Variants in PCED1B observed in about 807,000 individuals in gnomAD.
The protein encoded by PCED1B is PC-esterase domain containing 1B, also known as PC-esterase domain-containing protein 1B.
For missense variants in PCED1B, 573 were observed against 573.9 expected (o/e 1.00, Z 0.02); for synonymous variants, 251 against 246.1 (o/e 1.02, Z -0.19).
chr12:47,128,534 A>C (rs1170684509), intron 2 of PCED1B, among the ~76,000 whole-genome samples: 1 of 152,234 alleles, frequency 6.6e-6, no homozygotes, highest in Non-Finnish European at 1.5e-5. Flanking sequence ...CCCATTGCAA[A>C]TATTTACTGA....
chr12:47,209,089 G>A (rs1942999785), intron 2 of PCED1B: 1 of 152,330 alleles, frequency 6.6e-6, no homozygotes, highest in South Asian at 2.1e-4. Context: ...GAGGTGTCTG[G>A]TTGTCAGGGT....
intron 2 of PCED1B, among the ~76,000 whole-genome samples, chr12:47,130,615 G>A (rs1940086388): frequency 6.6e-6 from 1 of 152,142 alleles, no homozygotes; most frequent in Non-Finnish European, 1.5e-5. Flanking sequence ...CTTGAGCTCA[G>A]GAATTCAAGG....
At chr12:47,176,889 A>C (rs559457252) in intron 2 of PCED1B, among the ~76,000 whole-genome samples, 1 of 152,200 alleles carries the variant, frequency 6.6e-6, no homozygotes, top group East Asian at 1.9e-4. Context: ...TATTGTTCAC[A>C]GAAGCATTGA....
chr12:47,193,616 A>G (rs192803128), intron 2 of PCED1B, among the ~76,000 whole-genome samples: 2 of 152,344 alleles, frequency 1.3e-5, no homozygotes, highest in East Asian at 3.9e-4. Context: ...TCCCTCAGAG[A>G]CAAAGATATA....
At chr12:47,162,497 A>G (rs1017380022) in intron 2 of PCED1B, among the ~76,000 whole-genome samples, 1 of 152,202 alleles carries the variant, frequency 6.6e-6, no homozygotes, top group African/African-American at 2.4e-5. Flanking sequence ...TGGGTGATTT[A>G]TAAAGAAATG....
intron 1 of PCED1B, among the ~76,000 whole-genome samples, chr12:47,087,644 A>C (rs1381105724): frequency 6.6e-6 from 1 of 152,244 alleles, no homozygotes; most frequent in African/African-American, 2.4e-5. Flanking sequence ...TTTGCAACAG[A>C]AAATATATAC....
intron 1 of PCED1B, among the ~76,000 whole-genome samples, chr12:47,099,705 G>A (rs1295492441): frequency 1.3e-5 from 2 of 152,268 alleles, no homozygotes; most frequent in South Asian, 2.1e-4. Flanking sequence ...AGGAAAACAG[G>A]AAATTACTAT....
At chr12:47,120,156 A>C (rs983437982) in intron 2 of PCED1B, among the ~76,000 whole-genome samples, 28 of 152,142 alleles carry the variant, frequency 1.8e-4, no homozygotes, top group Non-Finnish European at 3.5e-4. Context: ...ACACCCACTA[A>C]GATAGCTAAA....
rs149260374 is a variant in PCED1B, at chr12:47,145,871, C to A, written c.-526+41676C>A. Among the ~76,000 whole-genome samples, 177 of 152,270 alleles carry A rather than the reference C, an allele frequency of 1.2e-3. 3 individuals are homozygous for A. In the East Asian group the frequency reaches 0.03, roughly 26 times the overall value. The stretch of plus-strand genomic sequence containing the variant: ...TGCTAATACAACATTCATTCTGCAG[C>A]CCATGGATCAAGGAGTAATTTCAAC... On this transcript the variant is annotated intron_variant, in intron 2 of 3. Transcript: ENST00000546455.
chr12:47,093,543 G>T (rs369977625), intron 1 of PCED1B, among the ~76,000 whole-genome samples: 2 of 151,530 alleles, frequency 1.3e-5, no homozygotes, highest in East Asian at 1.9e-4. Flanking sequence ...TTAAATCATT[G>T]ATTTTCAGGC....
intron 2 of PCED1B, among the ~76,000 whole-genome samples, chr12:47,171,665 TA>T (rs1941739978): frequency 6.6e-6 from 1 of 152,212 alleles, no homozygotes; most frequent in African/African-American, 2.4e-5. Flanking sequence ...TTTCTCCTGA[TA>T]AAAGAAAGAT....
chr12:47,186,777 T>C (rs754022341), intron 2 of PCED1B, among the ~76,000 whole-genome samples: 3 of 152,206 alleles, frequency 2.0e-5, no homozygotes, highest in Non-Finnish European at 2.9e-5. Context: ...ATTTCTGTTG[T>C]AATCTACCCA....
At chr12:47,166,202 A>G (rs1941540428) in intron 2 of PCED1B, among the ~76,000 whole-genome samples, 1 of 152,208 alleles carries the variant, frequency 6.6e-6, no homozygotes, top group Non-Finnish European at 1.5e-5. Context: ...AACTTTGATA[A>G]GCACTAGTTA....
At chr12:47,185,411 T>C (rs10881063) in intron 2 of PCED1B, among the ~76,000 whole-genome samples, 50,796 of 152,096 alleles carry the variant, frequency 0.33, 9,020 homozygotes, top group Non-Finnish European at 0.4. Flanking sequence ...AGCCGAGGAA[T>C]GCCAAGTATT....
intron 1 of PCED1B, among the ~76,000 whole-genome samples, chr12:47,098,837 G>A (rs1415546921): frequency 6.6e-6 from 1 of 152,190 alleles, no homozygotes; most frequent in Admixed American, 6.5e-5. Flanking sequence ...AAACAAAAGA[G>A]AGAAAGAAAG....
intron 2 of PCED1B, chr12:47,135,860 G>A (rs895378414): frequency 3.8e-5 from 17 of 441,584 alleles, no homozygotes; most frequent in South Asian, 1.1e-4. Context: ...TGGAGCGGCC[G>A]GTGTTGGCAG....
At chr12:47,176,136 A>T (rs1941917357) in intron 2 of PCED1B, among the ~76,000 whole-genome samples, 1 of 152,138 alleles carries the variant, frequency 6.6e-6, no homozygotes, top group African/African-American at 2.4e-5. Context: ...AAAATCAGGA[A>T]AACATAAGGA....
At chr12:47,122,884 T>C (rs1939736966) in intron 2 of PCED1B, among the ~76,000 whole-genome samples, 1 of 152,172 alleles carries the variant, frequency 6.6e-6, no homozygotes, top group African/African-American at 2.4e-5. Context: ...CTAAAGAATG[T>C]CACTGACCTC....
chr12:47,088,893 C>T (rs1938116826), intron 1 of PCED1B, among the ~76,000 whole-genome samples: 1 of 152,174 alleles, frequency 6.6e-6, no homozygotes, highest in Admixed American at 6.5e-5. Flanking sequence ...TGCCTAAATT[C>T]CTTTTGTCTC....
Sources: allele counts gnomAD v4.1 joint callset (sites outside exome capture counted in the v4.1 genomes callset), GRCh38; gene constraint gnomAD v4.1.1; transcripts MANE v1.5; gene names NCBI Gene and HGNC (gene_info 2026-07-23, HGNC 2026-07-21).